Variants in ELAPOR1 observed in about 807,000 individuals in gnomAD.
ELAPOR1 encodes endosome/lysosome-associated apoptosis and autophagy regulator 1.
A neutral mutation model predicts 119.7 loss-of-function variants in ELAPOR1; 77 were observed. The observed-to-expected ratio is 0.64, with a 90% confidence interval of 0.54 to 0.78. ELAPOR1 has a LOEUF of 0.78. Among genes scored for constraint, ELAPOR1 ranks in the 30% least tolerant of loss-of-function variants. ELAPOR1 has a pLI of 0.00. For missense variants in ELAPOR1, 1,115 were observed against 1,270.4 expected (o/e 0.88, Z 1.86); for synonymous variants, 481 against 487.2 (o/e 0.99, Z 0.17).
intron 1 of ELAPOR1, among the ~76,000 whole-genome samples, chr1:109,132,413 T>G (rs1649205451): frequency 6.6e-6 from 1 of 152,186 alleles, no homozygotes; most frequent in African/African-American, 2.4e-5. Context: ...CCCAAAGTGC[T>G]GGGACTACAG....
intron 10 of ELAPOR1, 72 bp downstream of exon 10, chr1:109,189,266 T>A: frequency 6.5e-7 from 1 of 1,533,546 alleles, no homozygotes; most frequent in Non-Finnish European, 8.9e-7. Context: ...TTCACATTTC[T>A]TCATAATAGT....
intron 1 of ELAPOR1, among the ~76,000 whole-genome samples, chr1:109,158,703 C>A (rs202169983): frequency 6.6e-6 from 1 of 152,102 alleles, no homozygotes; most frequent in Admixed American, 6.5e-5. Flanking sequence ...ATATACTGAA[C>A]GTGTTTATGT....
intron 19 of ELAPOR1, 21 bp from the exon 20 acceptor site, chr1:109,200,038 C>T (rs201745957): frequency 6.2e-7 from 1 of 1,612,950 alleles, no homozygotes; most frequent in African/African-American, 1.3e-5. Flanking sequence ...GATCTGAGTT[C>T]CTTGTTTTTC....
chr1:109,169,653 C>A (rs1484331196), intron 3 of ELAPOR1, among the ~76,000 whole-genome samples: 1 of 152,208 alleles, frequency 6.6e-6, no homozygotes, highest in Non-Finnish European at 1.5e-5. Flanking sequence ...ACTCTTTAAC[C>A]CTGTGACTCC....
chr1:109,197,518 G>T lies in ELAPOR1; in HGVS notation c.2166G>T (p.Arg722=). The T allele has an allele frequency of 6.2e-7, 1 of 1,614,152 alleles. No homozygotes were observed. Among genetic ancestry groups the T allele is most frequent in the East Asian group, 2.2e-5 (1 of 44,886 alleles). Reference sequence around the variant, plus strand: ...GCACCGACAATGTCACTGACCTCCGGATTCCTGAGGGTGAGTCAGGGTTCT... The same window carrying T: ...GCACCGACAATGTCACTGACCTCCGTATTCCTGAGGGTGAGTCAGGGTTCT... The part of the protein sequence containing the change: ...SVCTDNVTDL[R]IPEGESGFSK... The change falls in exon 16 of 22, where the codon CGG becomes CGT. Residue 722 remains arginine, a synonymous_variant. Transcript: ENST00000369939.
rs1553248605 is a variant in ELAPOR1, at chr1:109,118,900, C to CTTCTTTTT, written c.153+4566_153+4567insCTTTTTTT. ...CTGTTTCCTCCTGTATTTGGTTCTT[C>CTTCTTTTT]TTTTTTTTTTTTTTTGAGACGGAGT... is the stretch of plus-strand genomic sequence containing the variant. On this transcript the variant is annotated intron_variant, in intron 1 of 21. Transcript: ENST00000369939. Among the ~76,000 whole-genome samples the CTTCTTTTT allele has an allele frequency of 2.6e-4, 33 of 128,200 alleles. 1 individual carries two copies. Among genetic ancestry groups the CTTCTTTTT allele is most frequent in the African/African-American group, 1.0e-3 (32 of 31,474 alleles). 84.1% of individuals were successfully genotyped at this position (128,200 alleles called of 152,430 possible).
At chr1:109,198,735 A>T in intron 18 of ELAPOR1, 61 bp downstream of exon 18, 1 of 1,409,588 alleles carries the variant, frequency 7.1e-7, no homozygotes, top group Non-Finnish European at 9.9e-7. Flanking sequence ...TTCCATCCTG[A>T]GATCCAGAGA....
chr1:109,138,155 T>C (rs1649593483), intron 1 of ELAPOR1, among the ~76,000 whole-genome samples: 1 of 132,672 alleles, frequency 7.5e-6, no homozygotes, highest in Non-Finnish European at 1.7e-5. Context: ...AGCAAGAGCC[T>C]GGCTTCTGTT....
At chr1:109,182,345 T>C (rs865936855) in intron 7 of ELAPOR1, among the ~76,000 whole-genome samples, 3 of 146,164 alleles carry the variant, frequency 2.1e-5, no homozygotes, top group Admixed American at 6.8e-5. Flanking sequence ...ATAATAATAA[T>C]AATAATAATA....
chr1:109,143,369 T>C (rs1046690877), intron 1 of ELAPOR1, among the ~76,000 whole-genome samples: 2 of 152,174 alleles, frequency 1.3e-5, no homozygotes, highest in East Asian at 3.8e-4. Flanking sequence ...GACCACATAT[T>C]GTATGATTGT....
At chr1:109,114,898 T>C (rs886823343) in intron 1 of ELAPOR1, among the ~76,000 whole-genome samples, 2 of 152,186 alleles carry the variant, frequency 1.3e-5, no homozygotes, top group African/African-American at 4.8e-5. Context: ...CTGTAAAATG[T>C]GTCTCCTCCT....
At chr1:109,174,307 G>T (rs1652107648) in intron 7 of ELAPOR1, among the ~76,000 whole-genome samples, 1 of 148,660 alleles carries the variant, frequency 6.7e-6, no homozygotes, top group Admixed American at 6.8e-5. Context: ...CAGCACTTTG[G>T]GAGGTCAAAC....
intron 1 of ELAPOR1, among the ~76,000 whole-genome samples, chr1:109,154,595 G>A (rs1394725966): frequency 1.3e-5 from 2 of 152,198 alleles, no homozygotes; most frequent in Non-Finnish European, 2.9e-5. Context: ...CCATTTGAGG[G>A]GCTTTCCAGA....
rs369830646 is a variant in ELAPOR1 at position 109,158,667 on chromosome 1, G to C, written c.154-3227G>C. Among the ~76,000 whole-genome samples, 55 of 152,272 alleles carry C rather than the reference G, an allele frequency of 3.6e-4. 1 individual carries two copies. The South Asian group carries it at 0.011, about 30-fold the overall frequency. On this transcript the variant is annotated intron_variant, in intron 1 of 21. Transcript: ENST00000369939. ...TGCGTCATAGAATTGTGCACAGGGA[G>C]GGGGAAGGAGTTACGTGCTGGATGT...
chr1:109,161,215 G>A (rs189139255), intron 1 of ELAPOR1, among the ~76,000 whole-genome samples: 1 of 151,898 alleles, frequency 6.6e-6, no homozygotes. Flanking sequence ...TTTGAGACCA[G>A]CATGGCTAAC....
At chr1:109,164,778 C>A in intron 3 of ELAPOR1, 87 bp downstream of exon 3, 2 of 1,293,714 alleles carry the variant, frequency 1.5e-6, no homozygotes, top group East Asian at 2.5e-5. Context: ...CGCTGCCCCT[C>A]AGGCTGGGCA....
chr1:109,183,346 AAACAAAAAAAAGAGAG>A (rs1652826867), intron 7 of ELAPOR1, among the ~76,000 whole-genome samples: 1 of 59,962 alleles, frequency 1.7e-5, no homozygotes, highest in Non-Finnish European at 3.9e-5. Context: ...AAAAAAAAAA[AAACAAAAAAAAGAGAG>A]AGAGAGAGAA....
intron 2 of ELAPOR1, 124 bp from the exon 3 acceptor site, chr1:109,164,375 A>T: frequency 6.2e-6 from 5 of 802,458 alleles, no homozygotes; most frequent in Non-Finnish European, 9.9e-6. Flanking sequence ...CATGGCCCTA[A>T]ATCTTAGTGG....
At chr1:109,186,387 C>G (rs1653046642) in intron 8 of ELAPOR1, among the ~76,000 whole-genome samples, 1 of 152,182 alleles carries the variant, frequency 6.6e-6, no homozygotes, top group African/African-American at 2.4e-5. Context: ...ATTCTGCACT[C>G]AGCACTAAGC....
Sources: allele counts gnomAD v4.1 joint callset (sites outside exome capture counted in the v4.1 genomes callset), GRCh38; gene constraint gnomAD v4.1.1; transcripts MANE v1.5; gene names NCBI Gene and HGNC (gene_info 2026-07-23, HGNC 2026-07-21).